The following ZBTB20 variants were observed in gnomAD, a reference collection of about 807,000 sequenced individuals.
ZBTB20 encodes zinc finger and BTB domain-containing protein 20.
ZBTB20 carries 9 observed loss-of-function variants against 56.9 expected under a neutral mutation model. That is an observed-to-expected ratio of 0.16 (90% CI 0.10 to 0.28). ZBTB20 has a LOEUF of 0.28. Ranked by LOEUF, ZBTB20 falls within the 10% of genes least tolerant of loss-of-function variation. ZBTB20 has a pLI of 1.00. For synonymous variants in ZBTB20, 417 were observed against 420.7 expected, an observed-to-expected ratio of 0.99 and a Z score of 0.11; for missense variants, 655 against 1,003.0, an observed-to-expected ratio of 0.65 and a Z score of 4.69.
chr3:114,445,500 T>C (rs1454867236), intron 7 of ZBTB20: 1 of 152,210 alleles, frequency 6.6e-6, no homozygotes, highest in Non-Finnish European at 1.5e-5. Context: ...TTATCATCAT[T>C]CCTACAGCAC....
intron 6 of ZBTB20, among the ~76,000 whole-genome samples, chr3:114,532,202 C>T (rs1178820945): frequency 6.6e-6 from 1 of 152,176 alleles, no homozygotes; most frequent in Non-Finnish European, 1.5e-5. Flanking sequence ...CAGTGGATCC[C>T]ACCCCCATGG....
At chr3:114,949,243 C>A (rs193140214) in intron 3 of ZBTB20, among the ~76,000 whole-genome samples, 1 of 146,142 alleles carries the variant, frequency 6.8e-6, no homozygotes, top group East Asian at 1.9e-4. Flanking sequence ...TCCTTGCCCC[C>A]ATCTCACACC....
intron 7 of ZBTB20, among the ~76,000 whole-genome samples, chr3:114,452,482 T>C (rs2091683181): frequency 6.6e-6 from 1 of 152,132 alleles, no homozygotes; most frequent in African/African-American, 2.4e-5. Flanking sequence ...ACTTGTTTTT[T>C]ATCTGAGGAT....
chr3:114,450,331 A>G (rs2091526739), intron 7 of ZBTB20, among the ~76,000 whole-genome samples: 1 of 152,208 alleles, frequency 6.6e-6, no homozygotes, highest in Non-Finnish European at 1.5e-5. Context: ...AGCAAAACTC[A>G]AATTTTTTTA....
In ZBTB20 at chr3:114,350,708, A is replaced by C; in HGVS notation, c.1370T>G (p.Leu457Arg). The C allele has an allele frequency of 6.2e-7, 1 of 1,614,196 alleles. No individual in the cohort carries two copies. Residue 457 changes from leucine to arginine, a missense_variant, in exon 11 of 12, where the codon CTA becomes CGA. Transcript: ENST00000675478. ...GGACGTGTTGACCGAAGGCTGTTGT[A>C]GGACGCTCTTGTCGGAGCTGTTGCT... ...TVSNSSDKSV[L>R]QQPSVNTSIG...
At chr3:114,587,684 A>T (rs2055325150) in intron 6 of ZBTB20, among the ~76,000 whole-genome samples, 1 of 152,226 alleles carries the variant, frequency 6.6e-6, no homozygotes, top group Non-Finnish European at 1.5e-5. Context: ...ATTTGAAACC[A>T]GTTTTCCATT....
intron 7 of ZBTB20, among the ~76,000 whole-genome samples, chr3:114,438,985 C>T (rs529176551): frequency 6.6e-6 from 1 of 152,140 alleles, no homozygotes; most frequent in Non-Finnish European, 1.5e-5. Context: ...CCCTGTCTTC[C>T]TACGGTAAGG....
intron 6 of ZBTB20, among the ~76,000 whole-genome samples, chr3:114,604,167 A>G (rs183718969): frequency 1.9e-4 from 29 of 152,188 alleles, no homozygotes; most frequent in Non-Finnish European, 2.9e-5. Flanking sequence ...ACCATGATGC[A>G]TTTATATAAT....
intron 7 of ZBTB20, among the ~76,000 whole-genome samples, chr3:114,412,156 T>C (rs542018145): frequency 2.0e-5 from 3 of 152,204 alleles, no homozygotes; most frequent in East Asian, 1.9e-4. Flanking sequence ...GGAAAGGACA[T>C]AGACTTAGTA....
In ZBTB20 at chr3:114,990,186, T is replaced by A. The variant is rs568332438; in HGVS notation, c.-506-15770A>T. Among the ~76,000 whole-genome samples the A allele has an allele frequency of 7.2e-4, 110 of 152,314 alleles. No individual in the cohort carries two copies. In the Middle Eastern group the frequency reaches 0.01, roughly 14 times the overall value. Reference sequence around the variant, plus strand: ...GGGCATCCCTGTCTTGTGCCCGTTTTCAAAGGGAATGCTTCCAGTTTTTGC... The same window carrying A: ...GGGCATCCCTGTCTTGTGCCCGTTTACAAAGGGAATGCTTCCAGTTTTTGC... On this transcript the variant is annotated intron_variant, in intron 2 of 11. Transcript: ENST00000675478.
chr3:114,916,171 G>A (rs1220812374), intron 3 of ZBTB20, among the ~76,000 whole-genome samples: 1 of 152,028 alleles, frequency 6.6e-6, no homozygotes, highest in Non-Finnish European at 1.5e-5. Context: ...AGCTATTACT[G>A]TACTGGGGTC....
intron 7 of ZBTB20, among the ~76,000 whole-genome samples, chr3:114,491,912 T>C (rs896753886): frequency 6.6e-6 from 1 of 152,208 alleles, no homozygotes; most frequent in Non-Finnish European, 1.5e-5. Context: ...AAACAGCTTT[T>C]GCTGAGGTCA....
At chr3:114,490,859 C>T (rs2042671168) in intron 7 of ZBTB20, among the ~76,000 whole-genome samples, 1 of 152,070 alleles carries the variant, frequency 6.6e-6, no homozygotes, top group African/African-American at 2.4e-5. Context: ...AGCCAAAACA[C>T]AAAAACAAAC....
intron 6 of ZBTB20, among the ~76,000 whole-genome samples, chr3:114,632,505 C>T (rs1489618541): frequency 6.6e-6 from 1 of 152,164 alleles, no homozygotes; most frequent in Non-Finnish European, 1.5e-5. Context: ...TATACTTAAC[C>T]TGTCGGCTGT....
At chr3:114,377,981 T>G (rs1164162617) in intron 10 of ZBTB20, among the ~76,000 whole-genome samples, 3 of 152,128 alleles carry the variant, frequency 2.0e-5, no homozygotes, top group African/African-American at 7.2e-5. Context: ...GACTAACAAG[T>G]CAAGGGCACT....
intron 2 of ZBTB20, among the ~76,000 whole-genome samples, chr3:114,978,737 T>C (rs1048517151): frequency 6.6e-6 from 1 of 151,788 alleles, no homozygotes; most frequent in African/African-American, 2.4e-5. Flanking sequence ...AAACTTAAAC[T>C]ACATTATTCT....
At chr3:114,737,106 C>A (rs1201662275) in intron 5 of ZBTB20, among the ~76,000 whole-genome samples, 1 of 152,068 alleles carries the variant, frequency 6.6e-6, no homozygotes, top group Non-Finnish European at 1.5e-5. Flanking sequence ...GCCAAAGTTA[C>A]AAATCTATGG....
intron 1 of ZBTB20, among the ~76,000 whole-genome samples, chr3:115,084,743 C>A (rs759416260): frequency 1.5e-4 from 23 of 151,852 alleles, no homozygotes; most frequent in Admixed American, 9.9e-4. Flanking sequence ...TCCCAAGAAT[C>A]CACTGACATA....
intron 5 of ZBTB20, among the ~76,000 whole-genome samples, chr3:114,754,709 T>C (rs967564269): frequency 1.3e-5 from 2 of 152,172 alleles, no homozygotes; most frequent in Non-Finnish European, 2.9e-5. Context: ...TTGTATATAG[T>C]AGTTCTTAAT....
Sources: allele counts gnomAD v4.1 joint callset (sites outside exome capture counted in the v4.1 genomes callset), GRCh38; gene constraint gnomAD v4.1.1; transcripts MANE v1.5; gene names NCBI Gene and HGNC (gene_info 2026-07-23, HGNC 2026-07-21).